ZFPM2: variants seen among roughly 807,000 people sequenced by gnomAD.
ZFPM2 encodes zinc finger protein, FOG family member 2, also known as zinc finger protein ZFPM2.
Under a neutral mutation model 98.6 loss-of-function variants are expected in ZFPM2, and 20 were observed. That is an observed-to-expected ratio of 0.20 (90% CI 0.14 to 0.29). The LOEUF is 0.29. ZFPM2 is among the 10% of genes least tolerant of loss of function. The probability of loss-of-function intolerance (pLI) is 1.00; values close to 1 mark genes in which losing one functional copy is unlikely to be tolerated. For missense variants in ZFPM2, 1,310 were observed against 1,388.6 expected, an observed-to-expected ratio of 0.94 and a Z score of 0.90; for synonymous variants, 518 against 502.7, an observed-to-expected ratio of 1.03 and a Z score of -0.41.
At chr8:105,509,044 G>A (rs535554121) in intron 3 of ZFPM2, among the ~76,000 whole-genome samples, 35 of 152,096 alleles carry the variant, frequency 2.3e-4, no homozygotes, top group African/African-American at 6.7e-4. Context: ...GCAGTAGAGC[G>A]CCGGGCCCAC....
chr8:105,795,354 C>G (rs763384730), intron 6 of ZFPM2, among the ~76,000 whole-genome samples: 1 of 106,322 alleles, frequency 9.4e-6, no homozygotes, highest in Non-Finnish European at 1.8e-5. Flanking sequence ...CTGAATGTCA[C>G]ACACACACAC....
intron 7 of ZFPM2, among the ~76,000 whole-genome samples, chr8:105,799,426 A>T (rs1586281518): frequency 6.6e-6 from 1 of 152,214 alleles, no homozygotes; most frequent in Admixed American, 6.5e-5. Flanking sequence ...TTAAATATGG[A>T]TCAGTAAAAT....
rs1168622682 is a variant in ZFPM2, at chr8:105,668,662, T to A, written c.532+34305T>A. 2.0e-5 allele frequency among the ~76,000 whole-genome samples: 3 copies of A among 152,218 alleles called. No individual in the cohort carries two copies. In the East Asian group the frequency reaches 5.8e-4, roughly 29 times the overall value. On this transcript the variant is annotated intron_variant, in intron 5 of 7. Transcript: ENST00000407775. ...AAATGTGCAGAAGTTTTCTGAACAG[T>A]TCACCAAACCTGTTAACTTTACTAA...
At chr8:105,545,534 A>G (rs753492246) in intron 3 of ZFPM2, among the ~76,000 whole-genome samples, 1 of 152,202 alleles carries the variant, frequency 6.6e-6, no homozygotes, top group Non-Finnish European at 1.5e-5. Flanking sequence ...AAATATAAGG[A>G]CTATATTCTC....
At chr8:105,706,240 G>A (rs1004956583) in intron 5 of ZFPM2, among the ~76,000 whole-genome samples, 3 of 152,090 alleles carry the variant, frequency 2.0e-5, no homozygotes, top group African/African-American at 7.2e-5. Flanking sequence ...ACATACATAG[G>A]ATTTGTGAAA....
At chr8:105,623,587 G>C (rs932063752) in intron 4 of ZFPM2, among the ~76,000 whole-genome samples, 1 of 152,202 alleles carries the variant, frequency 6.6e-6, no homozygotes, top group African/African-American at 2.4e-5. Flanking sequence ...CCTGAATGGT[G>C]ACTGAGAGAT....
chr8:105,748,430 T>G (rs551455869), intron 5 of ZFPM2, among the ~76,000 whole-genome samples: 1 of 152,220 alleles, frequency 6.6e-6, no homozygotes, highest in African/African-American at 2.4e-5. Flanking sequence ...AATCTTGATT[T>G]CTTAGGCATT....
chr8:105,435,801 GA>G (rs149484302), intron 2 of ZFPM2, among the ~76,000 whole-genome samples: 7 of 151,452 alleles, frequency 4.6e-5, no homozygotes, highest in African/African-American at 1.7e-4. Context: ...TCTATTGTGA[GA>G]AAAAAAATAG....
chr8:105,496,963 CAA>C (rs1813481324), intron 3 of ZFPM2, among the ~76,000 whole-genome samples: 1 of 88,838 alleles, frequency 1.1e-5, no homozygotes, highest in Non-Finnish European at 2.1e-5. Flanking sequence ...GCCTGGGCAA[CAA>C]GAGTGAAACT....
chr8:105,547,840 G>C (rs1814748223), intron 3 of ZFPM2, among the ~76,000 whole-genome samples: 2 of 151,974 alleles, frequency 1.3e-5, no homozygotes. Flanking sequence ...ATTTATTAAA[G>C]TTTTTGGTGT....
chr8:105,502,331 AC>A (rs1413751568), intron 3 of ZFPM2, among the ~76,000 whole-genome samples: 2 of 152,180 alleles, frequency 1.3e-5, no homozygotes, highest in South Asian at 4.1e-4. Context: ...CAATTAAAAA[AC>A]AGATGCAATC....
chr8:105,695,003 T>C (rs760672713), intron 5 of ZFPM2, among the ~76,000 whole-genome samples: 3 of 152,110 alleles, frequency 2.0e-5, no homozygotes, highest in Non-Finnish European at 4.4e-5. Flanking sequence ...CTAAAACAAG[T>C]ACTGTTTTTA....
chr8:105,371,951 A>T (rs1329395081), intron 1 of ZFPM2, among the ~76,000 whole-genome samples: 1 of 151,670 alleles, frequency 6.6e-6, no homozygotes, highest in Non-Finnish European at 1.5e-5. Flanking sequence ...ATAAAAGGTC[A>T]TAGTGCATGC....
chr8:105,449,546 T>C (rs965557189), intron 3 of ZFPM2, among the ~76,000 whole-genome samples: 2 of 152,094 alleles, frequency 1.3e-5, no homozygotes, highest in African/African-American at 4.8e-5. Flanking sequence ...TTTTGTATTA[T>C]ACATTTTCAA....
At chr8:105,794,083 C>A (rs1413193081) in intron 6 of ZFPM2, among the ~76,000 whole-genome samples, 1 of 152,210 alleles carries the variant, frequency 6.6e-6, no homozygotes, top group Non-Finnish European at 1.5e-5. Context: ...TCGTCGAAGT[C>A]CTTCTCCGTC....
At chr8:105,346,450 A>C (rs1812530766) in intron 1 of ZFPM2, among the ~76,000 whole-genome samples, 1 of 152,144 alleles carries the variant, frequency 6.6e-6, no homozygotes, top group African/African-American at 2.4e-5. Flanking sequence ...TGTTTTAAGC[A>C]TTACATATGT....
intron 4 of ZFPM2, among the ~76,000 whole-genome samples, chr8:105,587,714 G>A (rs1815753787): frequency 2.0e-5 from 3 of 152,120 alleles, no homozygotes; most frequent in Admixed American, 1.3e-4. Context: ...GAAATTATAG[G>A]TTAGTTATAT....
At chr8:105,525,070 T>C (rs1814146152) in intron 3 of ZFPM2, among the ~76,000 whole-genome samples, 1 of 152,194 alleles carries the variant, frequency 6.6e-6, no homozygotes. Flanking sequence ...ACCAAATGTA[T>C]CCAATTGTAA....
intron 3 of ZFPM2, among the ~76,000 whole-genome samples, chr8:105,532,863 GTT>G (rs35992494): frequency 0.086 from 12,892 of 150,462 alleles, 731 homozygotes; most frequent in African/African-American, 0.17. Context: ...GTGGCATTAA[GTT>G]TTTTTTTTGT....
Sources: allele counts gnomAD v4.1 joint callset (sites outside exome capture counted in the v4.1 genomes callset), GRCh38; gene constraint gnomAD v4.1.1; transcripts MANE v1.5; gene names NCBI Gene and HGNC (gene_info 2026-07-23, HGNC 2026-07-21).